The following PCDHA3 variants were observed in gnomAD, a reference collection of about 807,000 sequenced individuals.
PCDHA3 encodes the protein protocadherin alpha-3.
A neutral mutation model predicts 62.2 loss-of-function variants in PCDHA3; 41 were observed. The observed-to-expected ratio is 0.66, with a 90% CI of 0.51 to 0.86. The LOEUF is 0.86. PCDHA3 is among the 40% of genes least tolerant of loss of function. The pLI, the probability that PCDHA3 is intolerant of heterozygous loss-of-function variation, is 0.00. For synonymous variants in PCDHA3, 640 were observed against 555.4 expected (o/e 1.15, Z -2.14); for missense variants, 1,304 against 1,241.2 (o/e 1.05, Z -0.76).
Position 140,871,133 on chromosome 5 carries a change from C to A in PCDHA3, c.2394+67542C>A, listed in dbSNP as rs1156390839. On this transcript the variant is annotated intron_variant, in intron 1 of 3. Transcript: ENST00000522353. ...GTGGAGAGCGGACAGGCGCCAAAGG[C>A]CTCTTCCCGGACTTTGGCGGGCGCC... 29 of 1,613,274 alleles carry A rather than the reference C, an allele frequency of 1.8e-5. No homozygotes were observed. Among genetic ancestry groups the A allele is most frequent in the Non-Finnish European group, 2.5e-5 (29 of 1,179,916 alleles).
intron 1 of PCDHA3, among the ~76,000 whole-genome samples, chr5:140,933,012 A>G (rs1554209160): frequency 6.6e-6 from 1 of 152,008 alleles, no homozygotes; most frequent in Middle Eastern, 3.2e-3. Flanking sequence ...CGGAAATATT[A>G]ACACTTGGCA....
intron 1 of PCDHA3, chr5:140,967,013 G>A: frequency 1.9e-6 from 3 of 1,606,874 alleles, no homozygotes; most frequent in Non-Finnish European, 2.5e-6. Flanking sequence ...CAACCATCTG[G>A]GTGCGCCCAG....
intron 3 of PCDHA3, among the ~76,000 whole-genome samples, chr5:140,997,722 C>G (rs2097782886): frequency 6.6e-6 from 1 of 151,372 alleles, no homozygotes; most frequent in South Asian, 2.1e-4. Context: ...CTTTCTACGT[C>G]AGTACATATA....
At chr5:140,853,465 C>A in intron 1 of PCDHA3, 2 of 970,762 alleles carry the variant, frequency 2.1e-6, no homozygotes, top group Non-Finnish European at 2.5e-6. Context: ...TTATATGCAT[C>A]TGTAGTTAAC....
chr5:140,836,660 C>T (rs2150267117), intron 1 of PCDHA3: 1 of 1,613,436 alleles, frequency 6.2e-7, no homozygotes, highest in Non-Finnish European at 8.5e-7. Flanking sequence ...AGAGGGTGTG[C>T]TCTGGGGAGG....
chr5:140,865,961 T>C (rs1314413159), intron 1 of PCDHA3: 9 of 152,210 alleles, frequency 5.9e-5, no homozygotes, highest in Admixed American at 5.9e-4. Context: ...ATTAATTTTG[T>C]ACAATGTGTG....
At position 140,862,713 on chromosome 5, in the gene PCDHA3, C is replaced by A. The variant is rs573467283; in HGVS notation, c.2394+59122C>A. 517 of 561,852 alleles carry A rather than the reference C, an allele frequency of 9.2e-4. 1 individual carries two copies. The highest frequency in any genetic ancestry group is 1.7e-3 in the Non-Finnish European group (476 of 284,834). 34.8% of individuals were successfully genotyped at this position (561,852 alleles called of 1,614,324 possible). ...ACTCGTTGATGGAACAGCGGGTGGG[C>A]GAGTGCGCGCTGTCTAGCTATGTGT... On this transcript the variant is annotated intron_variant, in intron 1 of 3. Transcript: ENST00000522353.
rs2045496791 is a variant in PCDHA3 at position 140,858,579 on chromosome 5, T to C, written c.2394+54988T>C. 3 of 1,349,862 alleles carry C rather than the reference T, an allele frequency of 2.2e-6. No individual in the cohort carries two copies. In the East Asian group the frequency reaches 7.4e-5, roughly 33 times the overall value. The allele number at this position is 1,349,862 out of a possible 1,614,324, so 83.6% of individuals were successfully genotyped here. On this transcript the variant is annotated intron_variant, in intron 1 of 3. Transcript: ENST00000522353. Reference sequence around the variant, plus strand: ...AATATTTCTAGTGATACCTTTGTAATATAATTTATTCCAGGAGTTTTAAAA... The same window carrying C: ...AATATTTCTAGTGATACCTTTGTAACATAATTTATTCCAGGAGTTTTAAAA...
intron 1 of PCDHA3, among the ~76,000 whole-genome samples, chr5:140,906,628 G>A (rs976764797): frequency 2.0e-5 from 3 of 152,180 alleles, no homozygotes; most frequent in African/African-American, 7.2e-5. Context: ...CCTTCAGCAA[G>A]CACCTCAGCA....
chr5:140,822,213 G>T lies in PCDHA3; in HGVS notation c.2394+18622G>T, dbSNP rs2150114567. The T allele has an allele frequency of 2.1e-3, 3,442 of 1,614,222 alleles. 3 individuals are homozygous for T. The highest frequency in any genetic ancestry group is 2.7e-3 in the Non-Finnish European group (3,134 of 1,180,036). ...GATTATTCATTTTAGAGTCAAGAAT[G>T]CCAGATTCGCGGTTTCCGCTAGAGG... On this transcript the variant is annotated intron_variant, in intron 1 of 3. Coordinates refer to ENST00000522353, the MANE Select transcript of PCDHA3 (RefSeq NM_018906.3).
At chr5:140,911,814 C>T (rs1165066555) in intron 1 of PCDHA3, among the ~76,000 whole-genome samples, 2 of 152,136 alleles carry the variant, frequency 1.3e-5, no homozygotes, top group African/African-American at 4.8e-5. Context: ...GCAGCCTTCT[C>T]CAGAAACCCC....
intron 1 of PCDHA3, chr5:140,875,641 G>A (rs782380583): frequency 6.2e-7 from 1 of 1,613,690 alleles, no homozygotes; most frequent in South Asian, 1.1e-5. Flanking sequence ...GCTGGAGCTG[G>A]CGGAGCTGGT....
intron 1 of PCDHA3, among the ~76,000 whole-genome samples, chr5:140,953,076 T>C (rs1276914822): frequency 6.6e-6 from 1 of 152,106 alleles, no homozygotes; most frequent in East Asian, 1.9e-4. Flanking sequence ...ATCTCCAACA[T>C]TGGGGATTAC....
chr5:140,856,497 G>T (rs782069130), intron 1 of PCDHA3: 1 of 1,598,346 alleles, frequency 6.3e-7, no homozygotes. Flanking sequence ...CTTGACTCTC[G>T]ATTTCCACTA....
chr5:140,858,178 G>A (rs887914398), intron 1 of PCDHA3: 1 of 1,597,564 alleles, frequency 6.3e-7, no homozygotes, highest in East Asian at 2.2e-5. Flanking sequence ...GCTTGCTGGT[G>A]CTCACGCTGC....
intron 1 of PCDHA3, chr5:140,848,438 T>C: frequency 6.8e-7 from 1 of 1,477,490 alleles, no homozygotes; most frequent in Non-Finnish European, 9.2e-7. Flanking sequence ...CGAAATCAGA[T>C]GATTTCTTCT....
chr5:140,978,642 C>T (rs140934683), intron 1 of PCDHA3, among the ~76,000 whole-genome samples: 126 of 152,354 alleles, frequency 8.3e-4, no homozygotes, highest in African/African-American at 2.8e-3. Context: ...TCAAAGCAGA[C>T]TGTTCTTCCC....
intron 1 of PCDHA3, among the ~76,000 whole-genome samples, chr5:140,900,334 G>A (rs552378783): frequency 4.2e-4 from 64 of 152,060 alleles, no homozygotes; most frequent in East Asian, 1.6e-3. Context: ...CTGGAGTACC[G>A]TGGCGCAATC....
chr5:140,908,270 G>A (rs1554193271), intron 1 of PCDHA3, among the ~76,000 whole-genome samples: 1 of 152,154 alleles, frequency 6.6e-6, no homozygotes, highest in African/African-American at 2.4e-5. Context: ...AACTCCCCAT[G>A]AGGCCATTGT....
Sources: gnomAD v4.1 joint callset for allele counts (sites outside exome capture counted in the v4.1 genomes callset) on GRCh38, gnomAD v4.1.1 for gene constraint, MANE v1.5 for transcripts, NCBI Gene and HGNC (gene_info 2026-07-23, HGNC 2026-07-21) for gene names.